LUC7L3: variants seen among roughly 807,000 people sequenced by gnomAD.
The protein encoded by LUC7L3 is LUC7 like 3 pre-mRNA splicing factor.
Under a neutral mutation model 66.8 loss-of-function variants are expected in LUC7L3, and 6 were observed. The ratio of observed to expected loss-of-function variants is 0.09; its 90% CI spans 0.05 to 0.18. The LOEUF is 0.18. Among genes scored for constraint, LUC7L3 ranks in the 10% least tolerant of loss-of-function variants. LUC7L3 has a pLI of 1.00. For synonymous variants in LUC7L3, 160 were observed against 174.7 expected, an observed-to-expected ratio of 0.92 and a Z score of 0.66; for missense variants, 341 against 531.1, an observed-to-expected ratio of 0.64 and a Z score of 3.52.
At chr17:50,747,178 G>A (rs1377238637) in intron 9 of LUC7L3, among the ~76,000 whole-genome samples, 21 of 149,098 alleles carry the variant, frequency 1.4e-4, no homozygotes, top group Admixed American at 1.3e-3. Flanking sequence ...TCTTACCCAC[G>A]TTTTCAATGG....
intron 8 of LUC7L3, 48 bp from the exon 9 acceptor site, chr17:50,746,494 C>G: frequency 2.5e-6 from 4 of 1,572,358 alleles, no homozygotes; most frequent in Non-Finnish European, 2.6e-6. Context: ...AAGGCCTTTA[C>G]TTATTGTAAT....
chr17:50,747,281 G>T (rs1471659006), intron 9 of LUC7L3, among the ~76,000 whole-genome samples: 1 of 118,020 alleles, frequency 8.5e-6, no homozygotes, highest in Non-Finnish European at 1.7e-5. Context: ...TTACTGTGCT[G>T]TTGGCACTAT....
In LUC7L3 at chr17:50,719,709, GA is replaced by G; in HGVS notation, c.-22del. 4 of 1,595,886 alleles carry G rather than the reference GA, an allele frequency of 2.5e-6. No homozygotes were observed. Among genetic ancestry groups the G allele is most frequent in the Non-Finnish European group, 2.6e-6 (3 of 1,169,236 alleles). ...CGTTGGCGGGTGCCTGGGCTGGTGG[GA>G]ACAGCCGCCCGAAGGAAGCACCATG... On this transcript the variant is annotated 5_prime_UTR_variant, in exon 1 of 10. Coordinates refer to ENST00000505658, the MANE Select transcript of LUC7L3 (RefSeq NM_016424.5).
intron 9 of LUC7L3, 72 bp downstream of exon 9, chr17:50,746,774 G>A (rs1265973590): frequency 8.7e-6 from 12 of 1,372,006 alleles, no homozygotes; most frequent in Non-Finnish European, 1.2e-5. Flanking sequence ...CTTTTCTCCA[G>A]ACACAGGCAA....
chr17:50,720,950 A>C (rs902285435), intron 1 of LUC7L3, among the ~76,000 whole-genome samples: 2 of 152,082 alleles, frequency 1.3e-5, no homozygotes, highest in Non-Finnish European at 2.9e-5. Flanking sequence ...CTTAGAGTAG[A>C]ATTTATTGTT....
At chr17:50,737,964 C>A in intron 2 of LUC7L3, 1 of 313,054 alleles carries the variant, frequency 3.2e-6, no homozygotes, top group Admixed American at 4.5e-5. Flanking sequence ...TGCCTTAGAG[C>A]ATTAGGAGCA....
At chr17:50,731,300 C>T (rs1022200612) in intron 1 of LUC7L3, among the ~76,000 whole-genome samples, 1 of 152,188 alleles carries the variant, frequency 6.6e-6, no homozygotes. Flanking sequence ...TCCCAAGTAG[C>T]TGGGATTACA....
chr17:50,723,178 T>A (rs1344909176), intron 1 of LUC7L3: 1 of 152,214 alleles, frequency 6.6e-6, no homozygotes, highest in African/African-American at 2.4e-5. Context: ...TAGTTCAAAT[T>A]GAGGTTTTTA....
chr17:50,737,734 G>C (rs1343576789), intron 2 of LUC7L3, among the ~76,000 whole-genome samples: 1 of 152,120 alleles, frequency 6.6e-6, no homozygotes, highest in Non-Finnish European at 1.5e-5. Flanking sequence ...ATTGCCACTA[G>C]TGTAGGTGGT....
At chr17:50,723,859 T>G (rs777441799) in intron 1 of LUC7L3, 40 of 398,714 alleles carry the variant, frequency 1.0e-4, no homozygotes, top group Non-Finnish European at 1.9e-4. Context: ...GGTCTTGAAC[T>G]CCTGACCTCA....
chr17:50,729,330 A>C (rs1339090336), intron 1 of LUC7L3, among the ~76,000 whole-genome samples: 1 of 152,210 alleles, frequency 6.6e-6, no homozygotes, highest in African/African-American at 2.4e-5. Context: ...CAACACAATA[A>C]TAAAGATGGT....
chr17:50,729,860 TTAGA>T (rs1464007883), intron 1 of LUC7L3, among the ~76,000 whole-genome samples: 52 of 140,136 alleles, frequency 3.7e-4, no homozygotes, highest in South Asian at 6.6e-4. Context: ...TTGCCAGTGT[TTAGA>T]TAATCAGAAG....
intron 9 of LUC7L3, among the ~76,000 whole-genome samples, chr17:50,750,128 T>A (rs2143075596): frequency 6.6e-6 from 1 of 152,330 alleles, no homozygotes; most frequent in South Asian, 2.1e-4. Context: ...ATTTTTACCC[T>A]TCTAACTTAA....
rs58361696 is a variant in LUC7L3 at position 50,724,611 on chromosome 17, T to TTGTGTGTGTGTGTG, written c.99+4802_99+4815dup. Among the ~76,000 whole-genome samples the TTGTGTGTGTGTGTG allele has an allele frequency of 3.6e-3, 534 of 147,244 alleles. 4 individuals carry two copies. Among genetic ancestry groups the TTGTGTGTGTGTGTG allele is most frequent in the Admixed American group, 0.016 (233 of 14,694 alleles). On this transcript the variant is annotated intron_variant, in intron 1 of 9. Coordinates refer to ENST00000505658, the MANE Select transcript of LUC7L3 (RefSeq NM_016424.5). ...TAAATCTTTGGTTGCTTTAGGAAAA[T>TTGTGTGTGTGTGTG]TGTGTGTGTGTGTGTGTGTGTGTGT...
chr17:50,719,895 T>A, intron 1 of LUC7L3, 64 bp downstream of exon 1: 5 of 1,439,388 alleles, frequency 3.5e-6, no homozygotes, highest in Non-Finnish European at 4.7e-6. Context: ...GCGCGGGCTG[T>A]GGCCCTCCTG....
At chr17:50,734,051 G>A (rs1429233865) in intron 1 of LUC7L3, among the ~76,000 whole-genome samples, 1 of 152,138 alleles carries the variant, frequency 6.6e-6, no homozygotes, top group African/African-American at 2.4e-5. Flanking sequence ...GGCATCACAA[G>A]CAGTGGAACT....
chr17:50,721,249 A>G (rs1434569152), intron 1 of LUC7L3, among the ~76,000 whole-genome samples: 1 of 152,232 alleles, frequency 6.6e-6, no homozygotes, highest in African/African-American at 2.4e-5. Flanking sequence ...TTTGAATTCA[A>G]GAGAAAAATG....
At chr17:50,748,608 G>A (rs542048836) in intron 9 of LUC7L3, among the ~76,000 whole-genome samples, 1 of 152,032 alleles carries the variant, frequency 6.6e-6, no homozygotes, top group East Asian at 1.9e-4. Context: ...ATAGGTGTAA[G>A]CCACCATGCC....
Position 50,754,304 on chromosome 17 carries a change from CTG to C in LUC7L3, c.*3645_*3646del, listed in dbSNP as rs1177968686. On this transcript the variant is annotated 3_prime_UTR_variant, in exon 10 of 10. Transcript: ENST00000505658. Reference sequence around the variant, plus strand: ...AAAAGAGGAACAATATAATTAACCTCTGTTAACTCATCACCAACAAGACTCAT... The same window carrying C: ...AAAAGAGGAACAATATAATTAACCTCTTAACTCATCACCAACAAGACTCAT... 3.3e-5 allele frequency: 5 copies of C among 152,040 alleles called. No homozygotes were observed. The highest frequency in any genetic ancestry group is 2.6e-4 in the Admixed American group (4 of 15,262). 9.4% of individuals were successfully genotyped at this position (152,040 alleles called of 1,614,324 possible).
Sources: allele counts gnomAD v4.1 joint callset (sites outside exome capture counted in the v4.1 genomes callset), GRCh38; gene constraint gnomAD v4.1.1; transcripts MANE v1.5; gene names NCBI Gene and HGNC (gene_info 2026-07-23, HGNC 2026-07-21).